CELF2: variants seen among roughly 807,000 people sequenced by gnomAD.
The protein encoded by CELF2 is CUG triplet repeat RNA-binding protein 2.
Under a neutral mutation model 62.6 loss-of-function variants are expected in CELF2, and 8 were observed. The observed-to-expected ratio is 0.13, with a 90% CI of 0.07 to 0.23. The LOEUF (loss-of-function observed/expected upper bound fraction) is 0.23. CELF2 is among the 10% of genes least tolerant of loss of function. The probability of loss-of-function intolerance (pLI) is 1.00; values close to 1 mark genes in which losing one functional copy is unlikely to be tolerated. For synonymous variants in CELF2, 258 were observed against 250.0 expected, an observed-to-expected ratio of 1.03 and a Z score of -0.30; for missense variants, 333 against 671.0, an observed-to-expected ratio of 0.50 and a Z score of 5.56.
At chr10:10,558,945 C>T in the CELF2 span, among the ~76,000 whole-genome samples, 1 of 152,042 alleles carries the variant, frequency 6.6e-6, no homozygotes, top group African/African-American at 2.4e-5. Context: ...ACTGAATTTC[C>T]AAGACATAGC....
the CELF2 span, among the ~76,000 whole-genome samples, chr10:10,614,665 G>T: frequency 6.6e-6 from 1 of 152,144 alleles, no homozygotes; most frequent in Non-Finnish European, 1.5e-5. Flanking sequence ...TTGACAGGGA[G>T]AGAGATGGGC....
At chr10:11,032,940 T>C (rs980114878) in intron 1 of CELF2, among the ~76,000 whole-genome samples, 4 of 152,200 alleles carry the variant, frequency 2.6e-5, no homozygotes, top group Admixed American at 6.5e-5. Flanking sequence ...CTCAAATGTA[T>C]GTTGGGTTTT....
chr10:10,650,731 A>G, the CELF2 span, among the ~76,000 whole-genome samples: 1 of 152,244 alleles, frequency 6.6e-6, no homozygotes, highest in Non-Finnish European at 1.5e-5. Context: ...GCTTACTAAA[A>G]ATAGTAAAAT....
the CELF2 span, among the ~76,000 whole-genome samples, chr10:10,637,580 G>C: frequency 6.6e-6 from 1 of 152,174 alleles, no homozygotes; most frequent in African/African-American, 2.4e-5. Context: ...TTCAAACTCT[G>C]ATATGTCATC....
chr10:10,565,736 A>C, the CELF2 span, among the ~76,000 whole-genome samples: 1 of 152,190 alleles, frequency 6.6e-6, no homozygotes, highest in Non-Finnish European at 1.5e-5. Context: ...GGTAATGCAA[A>C]TATCTGTTAC....
At chr10:10,792,784 G>A in the CELF2 span, among the ~76,000 whole-genome samples, 1 of 152,134 alleles carries the variant, frequency 6.6e-6, no homozygotes, top group Non-Finnish European at 1.5e-5. Context: ...GGCAGTATAG[G>A]AGTTAAAGCT....
At chr10:10,780,823 G>A in the CELF2 span, among the ~76,000 whole-genome samples, 1 of 152,210 alleles carries the variant, frequency 6.6e-6, no homozygotes, top group Non-Finnish European at 1.5e-5. Context: ...ATCCCAGCCT[G>A]TGGTATTTGC....
At chr10:10,786,474 A>G in the CELF2 span, among the ~76,000 whole-genome samples, 1 of 95,056 alleles carries the variant, frequency 1.1e-5, no homozygotes, top group East Asian at 1.6e-3. Context: ...CTTGTGATCC[A>G]TTTGAAAAAA....
chr10:10,631,208 A>AC, the CELF2 span, among the ~76,000 whole-genome samples: 2 of 152,202 alleles, frequency 1.3e-5, no homozygotes, highest in Non-Finnish European at 2.9e-5. Context: ...TAACAGAGAC[A>AC]CCTTTCCTCA....
chr10:10,942,639 G>A (rs942890777), intron 2 of CELF2, among the ~76,000 whole-genome samples: 2 of 152,170 alleles, frequency 1.3e-5, no homozygotes, highest in African/African-American at 4.8e-5. Flanking sequence ...CATTATAAAT[G>A]AGTCATGAGG....
At chr10:11,201,489 C>T (rs2059203119) in intron 2 of CELF2, among the ~76,000 whole-genome samples, 1 of 152,196 alleles carries the variant, frequency 6.6e-6, no homozygotes, top group African/African-American at 2.4e-5. Flanking sequence ...ATGGAGGACT[C>T]ATATCTGCTC....
At position 11,335,667 on chromosome 10, in the gene CELF2, G is replaced by A. The variant is rs999997276; in HGVS notation, c.*6614G>A. On this transcript the variant is annotated 3_prime_UTR_variant, in exon 13 of 13. Coordinates refer to ENST00000633077, the MANE Select transcript of CELF2 (RefSeq NM_001326342.2). This position sits in a 1 kb window ranked among gnomAD's most constrained non-coding sequence, Gnocchi z 5.0. ...TCTCCTCTGAAAACACACTGCCTACGTTAGTGGGAAAGGATGGCTAAGGGT... is the reference window on the plus strand; with the variant it reads ...TCTCCTCTGAAAACACACTGCCTACATTAGTGGGAAAGGATGGCTAAGGGT... The A allele has an allele frequency of 1.3e-5, 2 of 152,106 alleles. No individual in the cohort carries two copies. Among genetic ancestry groups the A allele is most frequent in the Non-Finnish European group, 1.5e-5 (1 of 68,028 alleles). 9.4% of individuals were successfully genotyped at this position (152,106 alleles called of 1,614,324 possible).
intron 2 of CELF2, among the ~76,000 whole-genome samples, chr10:10,940,554 T>C (rs1395717785): frequency 1.3e-5 from 2 of 152,378 alleles, no homozygotes; most frequent in Admixed American, 1.3e-4. Context: ...GCTTTGTTTA[T>C]GTTCTACTAA....
chr10:10,565,136 G>T, the CELF2 span, among the ~76,000 whole-genome samples: 3 of 152,162 alleles, frequency 2.0e-5, 1 homozygote, highest in South Asian at 4.1e-4. Flanking sequence ...ACTCGGGTTC[G>T]AGAGAAGGTA....
At chr10:10,561,227 C>T in the CELF2 span, among the ~76,000 whole-genome samples, 36 of 152,268 alleles carry the variant, frequency 2.4e-4, no homozygotes, top group African/African-American at 6.7e-4. Context: ...GTCTCTTCTC[C>T]GTCTACCAGA....
At chr10:10,775,684 T>C in the CELF2 span, among the ~76,000 whole-genome samples, 2 of 151,858 alleles carry the variant, frequency 1.3e-5, no homozygotes, top group Non-Finnish European at 2.9e-5. Context: ...ATCAGGGGCC[T>C]CCTAGGGCAT....
intron 2 of CELF2, among the ~76,000 whole-genome samples, chr10:10,935,790 C>G (rs990389197): frequency 1.3e-5 from 2 of 152,172 alleles, no homozygotes; most frequent in East Asian, 3.8e-4. Context: ...CATCCTTTCT[C>G]TCTTCCACTC....
intron 5 of CELF2, among the ~76,000 whole-genome samples, chr10:11,265,093 G>A (rs1351401120): frequency 2.0e-5 from 3 of 152,206 alleles, no homozygotes; most frequent in African/African-American, 7.2e-5. Context: ...AAAAGGTGCC[G>A]CTACAGTATT....
chr10:10,768,068 A>G, the CELF2 span, among the ~76,000 whole-genome samples: 3 of 144,070 alleles, frequency 2.1e-5, no homozygotes, highest in African/African-American at 8.0e-5. Context: ...CAGGAGGCTG[A>G]GGCAGGAGAA....
Sources: gnomAD v4.1 joint callset for allele counts (sites outside exome capture counted in the v4.1 genomes callset) on GRCh38, gnomAD v4.1.1 for gene constraint, Gnocchi (gnomAD v3.1) non-coding constraint, MANE v1.5 for transcripts, NCBI Gene and HGNC (gene_info 2026-07-23, HGNC 2026-07-21) for gene names.